CACNA2D1: variants seen among roughly 807,000 people sequenced by gnomAD.
The protein encoded by CACNA2D1 is voltage-dependent calcium channel subunit alpha-2/delta-1.
In CACNA2D1, 53 loss-of-function variants were observed where a neutral mutation model predicts 171.5. The ratio of observed to expected loss-of-function variants is 0.31; its 90% CI spans 0.25 to 0.39. CACNA2D1 has a LOEUF of 0.39. CACNA2D1 is among the 10% of genes least tolerant of loss of function. The probability of loss-of-function intolerance (pLI) is 1.00; values close to 1 mark genes in which losing one functional copy is unlikely to be tolerated. For synonymous variants in CACNA2D1, 442 were observed against 443.1 expected, an observed-to-expected ratio of 1.00 and a Z score of 0.03; for missense variants, 903 against 1,299.8, an observed-to-expected ratio of 0.69 and a Z score of 4.69.
At chr7:82,383,752 T>C (rs969237342) in intron 1 of CACNA2D1, among the ~76,000 whole-genome samples, 2 of 152,200 alleles carry the variant, frequency 1.3e-5, no homozygotes, top group Non-Finnish European at 2.9e-5. Context: ...CATTCTCCTA[T>C]TATGAGTTAA....
chr7:82,432,881 C>T (rs911653820), intron 1 of CACNA2D1, among the ~76,000 whole-genome samples: 1 of 152,120 alleles, frequency 6.6e-6, no homozygotes, highest in Admixed American at 6.5e-5. Context: ...ACAAGCACCA[C>T]ACACTTAAAA....
chr7:82,007,690 T>C lies in CACNA2D1; in HGVS notation c.1429A>G (p.Thr477Ala). The C allele has an allele frequency of 6.4e-7, 1 of 1,560,770 alleles. No individual in the cohort carries two copies. The highest frequency in any genetic ancestry group is 8.8e-7 in the Non-Finnish European group (1 of 1,132,032). Residue 477 changes from threonine to alanine, a missense_variant, in exon 16 of 39, where the codon ACA becomes GCA. Physicochemically the swap from Thr to Ala is moderately conservative, Grantham distance 58. Transcript: ENST00000356860. ...AATTAACTTTTAACCTTTAAGTTTG[T>C]CTTATTTTCAAATTGGCCGGTTATG... is the stretch of plus-strand genomic sequence containing the variant. ...FNITGQFENKTNLKNQLILGV... is the reference protein window; with the variant it reads ...FNITGQFENKANLKNQLILGV...
intron 1 of CACNA2D1, among the ~76,000 whole-genome samples, chr7:82,373,397 A>G (rs559826311): frequency 1.2e-4 from 19 of 152,308 alleles, no homozygotes; most frequent in Admixed American, 3.3e-4. Context: ...ACACTTATAG[A>G]CTTGTTGATT....
rs75972722 is a variant in CACNA2D1 at position 82,235,415 on chromosome 7, C to G, written c.295-64806G>C. On this transcript the variant is annotated intron_variant, in intron 3 of 38. Transcript: ENST00000356860. ...TCCTCACCAAAGGCAAATGAACTTT[C>G]CCTGATGGGAGGGGCAGGCTGCTTC... is the stretch of plus-strand genomic sequence containing the variant. Among the ~76,000 whole-genome samples the G allele has an allele frequency of 4.5e-3, 689 of 152,166 alleles. 4 individuals carry two copies. The highest frequency in any genetic ancestry group is 7.9e-3 in the Non-Finnish European group (534 of 67,990).
chr7:82,146,054 AG>A (rs939381015), intron 4 of CACNA2D1, among the ~76,000 whole-genome samples: 5 of 151,988 alleles, frequency 3.3e-5, no homozygotes, highest in African/African-American at 1.2e-4. Flanking sequence ...TGTAAATTAA[AG>A]TATCACTTCA....
intron 7 of CACNA2D1, among the ~76,000 whole-genome samples, chr7:82,074,823 T>C (rs939222812): frequency 6.6e-6 from 1 of 152,182 alleles, no homozygotes; most frequent in African/African-American, 2.4e-5. Flanking sequence ...ATCATATCAC[T>C]ATATTGGTTG....
chr7:82,203,459 G>A (rs549979156), intron 3 of CACNA2D1, among the ~76,000 whole-genome samples: 12 of 152,296 alleles, frequency 7.9e-5, no homozygotes, highest in African/African-American at 2.2e-4. Context: ...CCCACCATAT[G>A]TCATGGTCTT....
At chr7:82,178,932 T>C (rs1156858009) in intron 3 of CACNA2D1, among the ~76,000 whole-genome samples, 1 of 152,118 alleles carries the variant, frequency 6.6e-6, no homozygotes, top group African/African-American at 2.4e-5. Context: ...TGTATGGAAA[T>C]GTGGAAACAA....
At chr7:82,366,138 C>A (rs1000645578) in intron 1 of CACNA2D1, among the ~76,000 whole-genome samples, 15 of 152,176 alleles carry the variant, frequency 9.9e-5, no homozygotes, top group Admixed American at 2.6e-4. Flanking sequence ...CTTTGGGGAA[C>A]AGAATGAAAT....
intron 3 of CACNA2D1, among the ~76,000 whole-genome samples, chr7:82,177,684 C>A (rs1375692515): frequency 6.6e-6 from 1 of 152,032 alleles, no homozygotes; most frequent in African/African-American, 2.4e-5. Context: ...TTTCTTAATA[C>A]AAACCTACCT....
intron 3 of CACNA2D1, among the ~76,000 whole-genome samples, chr7:82,295,829 A>C (rs556566771): frequency 6.6e-6 from 1 of 152,234 alleles, no homozygotes; most frequent in South Asian, 2.1e-4. Flanking sequence ...TTGCGGCACT[A>C]TTCACAATAG....
At chr7:82,144,059 T>C (rs1792702462) in intron 4 of CACNA2D1, among the ~76,000 whole-genome samples, 3 of 152,134 alleles carry the variant, frequency 2.0e-5, no homozygotes, top group South Asian at 2.1e-4. Flanking sequence ...AAAAACTGTA[T>C]TCCATCTCTC....
intron 1 of CACNA2D1, among the ~76,000 whole-genome samples, chr7:82,386,699 C>G (rs1290224441): frequency 6.6e-6 from 1 of 151,434 alleles, no homozygotes; most frequent in Admixed American, 6.6e-5. Context: ...AGCCATTGCA[C>G]TCCAGCCTGG....
At chr7:82,279,796 G>A (rs1178602159) in intron 3 of CACNA2D1, among the ~76,000 whole-genome samples, 3 of 151,866 alleles carry the variant, frequency 2.0e-5, no homozygotes, top group Admixed American at 6.6e-5. Context: ...TATATATACC[G>A]CTTATTATTT....
At chr7:82,222,227 G>A (rs1801848549) in intron 3 of CACNA2D1, among the ~76,000 whole-genome samples, 1 of 152,132 alleles carries the variant, frequency 6.6e-6, no homozygotes, top group African/African-American at 2.4e-5. Flanking sequence ...TGTATGGCAG[G>A]GATTTAGATG....
intron 1 of CACNA2D1, among the ~76,000 whole-genome samples, chr7:82,441,038 C>CCTTTATTG (rs1363039801): frequency 6.6e-6 from 1 of 151,350 alleles, no homozygotes; most frequent in Non-Finnish European, 1.5e-5. Context: ...TAATAATTTG[C>CCTTTATTG]CTTTATTGAC....
intron 3 of CACNA2D1, 142 bp downstream of exon 3, chr7:82,334,993 T>C: frequency 1.6e-6 from 1 of 623,740 alleles, no homozygotes; most frequent in Admixed American, 2.5e-5. Context: ...TAAACCATGA[T>C]ATCTCATTTT....
At chr7:82,189,094 T>A (rs1014258524) in intron 3 of CACNA2D1, among the ~76,000 whole-genome samples, 31 of 151,886 alleles carry the variant, frequency 2.0e-4, no homozygotes, top group African/African-American at 7.5e-4. Flanking sequence ...GGTGGCAAAA[T>A]TATCTGTACA....
At chr7:82,059,759 A>G (rs1346818622) in intron 10 of CACNA2D1, among the ~76,000 whole-genome samples, 1 of 151,606 alleles carries the variant, frequency 6.6e-6, no homozygotes, top group African/African-American at 2.4e-5. Context: ...ATGTCCAACA[A>G]TGATAGACTG....
Sources: gnomAD v4.1 joint callset for allele counts (sites outside exome capture counted in the v4.1 genomes callset) on GRCh38, gnomAD v4.1.1 for gene constraint, MANE v1.5 for transcripts, NCBI Gene and HGNC (gene_info 2026-07-23, HGNC 2026-07-21) for gene names.